Variants in MACROD2 observed in about 807,000 individuals in gnomAD.
The protein encoded by MACROD2 is ADP-ribose glycohydrolase MACROD2.
Under a neutral mutation model 70.4 loss-of-function variants are expected in MACROD2, and 36 were observed. The ratio of observed to expected loss-of-function variants is 0.51; its 90% CI spans 0.39 to 0.68. The LOEUF (loss-of-function observed/expected upper bound fraction) is 0.68, where lower values mean the gene tolerates loss of function less well. MACROD2 is among the 30% of genes least tolerant of loss of function. The pLI is 0.00. For synonymous variants in MACROD2, 172 were observed against 178.8 expected (o/e 0.96, Z 0.30); for missense variants, 496 against 538.4 (o/e 0.92, Z 0.78).
chr20:14,892,509 A>G (rs1395284594), intron 5 of MACROD2, among the ~76,000 whole-genome samples: 1 of 152,160 alleles, frequency 6.6e-6, no homozygotes, highest in South Asian at 2.1e-4. Context: ...AAAGATTGAC[A>G]TACCTGGAGA....
chr20:14,467,190 G>A (rs573284195), intron 3 of MACROD2, among the ~76,000 whole-genome samples: 7 of 152,250 alleles, frequency 4.6e-5, no homozygotes, highest in African/African-American at 1.2e-4. Context: ...CACCCAGTTC[G>A]AGCTTCCTGG....
At chr20:14,735,912 T>C (rs1268612120) in intron 5 of MACROD2, among the ~76,000 whole-genome samples, 1 of 152,146 alleles carries the variant, frequency 6.6e-6, no homozygotes, top group African/African-American at 2.4e-5. Flanking sequence ...TGGAAAAGTT[T>C]CGTGATTCTT....
intron 3 of MACROD2, among the ~76,000 whole-genome samples, chr20:14,230,540 C>T (rs1431970689): frequency 3.3e-5 from 5 of 149,978 alleles, no homozygotes; most frequent in Non-Finnish European, 7.4e-5. Flanking sequence ...ATTTTTACCA[C>T]ATCTGCAGTG....
chr20:15,139,801 G>T (rs2076178097), intron 5 of MACROD2, among the ~76,000 whole-genome samples: 2 of 152,130 alleles, frequency 1.3e-5, no homozygotes, highest in Admixed American at 1.3e-4. Flanking sequence ...AATTCTTGAG[G>T]AGGCTCACGA....
At chr20:15,937,398 G>A in intron 11 of MACROD2, 78 bp from the exon 12 acceptor site, 1 of 1,242,042 alleles carries the variant, frequency 8.1e-7, no homozygotes, top group Non-Finnish European at 1.2e-6. Flanking sequence ...AGAGTGGAGG[G>A]AGGTGCAGGG....
rs1253982923 is a variant in MACROD2, at chr20:14,801,209, C to T, written c.418+116250C>T. Among the ~76,000 whole-genome samples, 6 of 152,164 alleles carry T rather than the reference C, an allele frequency of 3.9e-5. 1 individual carries two copies. Among genetic ancestry groups the T allele is most frequent in the Non-Finnish European group, 7.3e-5 (5 of 68,032 alleles). ...GAGATCATGCTTTATAGCAGGTTAG[C>T]CAGCATGGCTGATAGGCTGATAAGC... On this transcript the variant is annotated intron_variant, in intron 5 of 17. Coordinates refer to ENST00000684519, the MANE Select transcript of MACROD2 (RefSeq NM_001351661.2).
At position 15,977,217 on chromosome 20, in the gene MACROD2, C is replaced by G. The variant is rs531006716; in HGVS notation, c.986-9510C>G. On this transcript the variant is annotated intron_variant, in intron 13 of 17. Coordinates refer to ENST00000684519, the MANE Select transcript of MACROD2 (RefSeq NM_001351661.2). ...AGGTTCAATGGCCAGTTCCCTATAG[C>G]AACAGTGATAGAGAATGAAGCTCAC... 9.8e-5 allele frequency among the ~76,000 whole-genome samples: 15 copies of G among 152,306 alleles called. No homozygotes were observed. In the South Asian group the frequency reaches 3.1e-3, roughly 32 times the overall value.
chr20:15,466,311 A>C (rs772625441), intron 7 of MACROD2, among the ~76,000 whole-genome samples: 1 of 152,222 alleles, frequency 6.6e-6, no homozygotes, highest in East Asian at 1.9e-4. Flanking sequence ...GCAGGCTTCC[A>C]AATTATTTTA....
At chr20:15,407,256 G>C (rs1238919530) in intron 6 of MACROD2, among the ~76,000 whole-genome samples, 1 of 152,108 alleles carries the variant, frequency 6.6e-6, no homozygotes, top group East Asian at 1.9e-4. Flanking sequence ...TGCAGAGTTA[G>C]CCAGCTAGGG....
intron 15 of MACROD2, among the ~76,000 whole-genome samples, chr20:15,997,276 G>A (rs1389479437): frequency 1.3e-5 from 2 of 152,020 alleles, no homozygotes; most frequent in Non-Finnish European, 2.9e-5. Context: ...TACGTTGAAT[G>A]TATAGATCGA....
In MACROD2 at chr20:16,049,902, C is replaced by T. The variant is rs781316146; in HGVS notation, c.*26C>T. The T allele has an allele frequency of 1.1e-5, 15 of 1,357,374 alleles. No individual in the cohort carries two copies. The highest frequency in any genetic ancestry group is 9.7e-5 in the African/African-American group (6 of 61,720). The allele number at this position is 1,357,374 out of a possible 1,614,324, so 84.1% of individuals were successfully genotyped here. On this transcript the variant is annotated 3_prime_UTR_variant, in exon 18 of 18. Coordinates refer to ENST00000684519, the MANE Select transcript of MACROD2 (RefSeq NM_001351661.2). Reference sequence around the variant, plus strand: ...CAATCCTCAGCATCGCAAGGCCTCTCCTGGCTCTGGGGGAGCTCGGGAAGA... The same window carrying T: ...CAATCCTCAGCATCGCAAGGCCTCTTCTGGCTCTGGGGGAGCTCGGGAAGA...
chr20:15,470,817 A>G (rs1477247574), intron 7 of MACROD2, among the ~76,000 whole-genome samples: 2 of 151,974 alleles, frequency 1.3e-5, no homozygotes, highest in Non-Finnish European at 2.9e-5. Context: ...TGCCTTACCT[A>G]CAGCTTCTGC....
At chr20:15,462,483 T>C (rs2046832479) in intron 7 of MACROD2, among the ~76,000 whole-genome samples, 1 of 152,244 alleles carries the variant, frequency 6.6e-6, no homozygotes, top group Admixed American at 6.5e-5. Context: ...GCATGTTTAC[T>C]TTCCAAAGCA....
chr20:15,802,174 A>G (rs1050713357), intron 8 of MACROD2, among the ~76,000 whole-genome samples: 22 of 152,264 alleles, frequency 1.4e-4, no homozygotes, highest in African/African-American at 5.1e-4. Context: ...TCTGTTTTCA[A>G]TTTGGATGAC....
chr20:14,893,392 C>G (rs1206058247), intron 5 of MACROD2: 1 of 151,968 alleles, frequency 6.6e-6, no homozygotes, highest in Non-Finnish European at 1.5e-5. Context: ...TTGATAGTGG[C>G]TAACACTATT....
chr20:14,593,699 A>C (rs1447195805), intron 4 of MACROD2, among the ~76,000 whole-genome samples: 1 of 152,200 alleles, frequency 6.6e-6, no homozygotes, highest in East Asian at 1.9e-4. Flanking sequence ...AATGCCAAGC[A>C]TACTACTTCT....
At chr20:14,169,564 A>G (rs1447686180) in intron 3 of MACROD2, among the ~76,000 whole-genome samples, 2 of 152,010 alleles carry the variant, frequency 1.3e-5, no homozygotes, top group Admixed American at 6.6e-5. Flanking sequence ...TCAGCCTCCC[A>G]AAGTGCTGGG....
chr20:15,004,461 A>G (rs1284140639), intron 5 of MACROD2, among the ~76,000 whole-genome samples: 2 of 152,188 alleles, frequency 1.3e-5, no homozygotes, highest in East Asian at 1.9e-4. Flanking sequence ...CATATCATCA[A>G]TTATACTAAG....
At chr20:14,127,629 A>T in intron 3 of MACROD2, 1 of 434,748 alleles carries the variant, frequency 2.3e-6, no homozygotes, top group South Asian at 3.0e-5. Context: ...ATTCAGACAG[A>T]AATTCAAAAC....
Sources: allele counts gnomAD v4.1 joint callset (sites outside exome capture counted in the v4.1 genomes callset), GRCh38; gene constraint gnomAD v4.1.1; transcripts MANE v1.5; gene names NCBI Gene and HGNC (gene_info 2026-07-23, HGNC 2026-07-21).